The following RFX3 variants were observed in gnomAD, a reference collection of about 807,000 sequenced individuals.
RFX3 encodes regulatory factor X3, also known as transcription factor RFX3.
In RFX3, 14 loss-of-function variants were observed where a neutral mutation model predicts 98.6. The ratio of observed to expected loss-of-function variants is 0.14; its 90% CI spans 0.09 to 0.22. The LOEUF (loss-of-function observed/expected upper bound fraction) is 0.22, where lower values mean the gene tolerates loss of function less well. Ranked by LOEUF, RFX3 falls within the 10% of genes least tolerant of loss-of-function variation. RFX3 has a pLI of 1.00. For missense variants in RFX3, 639 were observed against 926.9 expected (o/e 0.69, Z 4.03); for synonymous variants, 383 against 328.4 (o/e 1.17, Z -1.80).
intron 1 of RFX3, among the ~76,000 whole-genome samples, chr9:3,467,364 G>A (rs1247377585): frequency 6.7e-6 from 1 of 149,494 alleles, no homozygotes; most frequent in Non-Finnish European, 1.5e-5. Context: ...CTATCACTGA[G>A]CCAAGGCTTT....
At chr9:3,396,364 A>G (rs1456826340) in intron 1 of RFX3, among the ~76,000 whole-genome samples, 1 of 152,202 alleles carries the variant, frequency 6.6e-6, no homozygotes, top group Non-Finnish European at 1.5e-5. Context: ...TACAAAGGAC[A>G]TTAACTCATC....
chr9:3,315,692 T>C (rs1411971187), intron 4 of RFX3, among the ~76,000 whole-genome samples: 1 of 152,080 alleles, frequency 6.6e-6, no homozygotes, highest in Non-Finnish European at 1.5e-5. Flanking sequence ...ATAAAGGGGA[T>C]ATCACCACCG....
At chr9:3,476,744 A>T (rs1025540653) in intron 1 of RFX3, among the ~76,000 whole-genome samples, 2 of 152,198 alleles carry the variant, frequency 1.3e-5, no homozygotes, top group Non-Finnish European at 2.9e-5. Flanking sequence ...AAATGTTACA[A>T]ACAAAAACGC....
intron 7 of RFX3, among the ~76,000 whole-genome samples, chr9:3,286,274 A>T (rs771712931): frequency 2.0e-5 from 3 of 151,854 alleles, no homozygotes; most frequent in Non-Finnish European, 4.4e-5. Flanking sequence ...GTAACAATTT[A>T]TTGCAACTCA....
At chr9:3,450,292 C>T (rs769464272) in intron 1 of RFX3, among the ~76,000 whole-genome samples, 4 of 152,024 alleles carry the variant, frequency 2.6e-5, no homozygotes, top group Non-Finnish European at 4.4e-5. Flanking sequence ...GTCAGAAAGA[C>T]GAGATATATA....
chr9:3,379,335 C>T (rs1221388827), intron 2 of RFX3, among the ~76,000 whole-genome samples: 1 of 152,026 alleles, frequency 6.6e-6, no homozygotes, highest in Non-Finnish European at 1.5e-5. Context: ...CTGACCTCCA[C>T]AAAATATTAT....
intron 1 of RFX3, among the ~76,000 whole-genome samples, chr9:3,428,369 T>C (rs1564088978): frequency 6.6e-6 from 1 of 152,214 alleles, no homozygotes; most frequent in Non-Finnish European, 1.5e-5. Context: ...CTCAGAACTT[T>C]AAGATCTTAT....
At chr9:3,263,337 TAATTAA>T (rs1437904927) in intron 12 of RFX3, among the ~76,000 whole-genome samples, 1 of 152,184 alleles carries the variant, frequency 6.6e-6, no homozygotes, top group African/African-American at 2.4e-5. Flanking sequence ...AGCGTAGCAT[TAATTAA>T]ACTAGTCTTG....
At chr9:3,312,653 A>T (rs927643501) in intron 4 of RFX3, among the ~76,000 whole-genome samples, 1 of 151,760 alleles carries the variant, frequency 6.6e-6, no homozygotes, top group Non-Finnish European at 1.5e-5. Flanking sequence ...TCCCATTGTG[A>T]GCAACGCAGA....
At chr9:3,268,902 A>G (rs1586813953) in intron 11 of RFX3, among the ~76,000 whole-genome samples, 1 of 152,104 alleles carries the variant, frequency 6.6e-6, no homozygotes, top group Non-Finnish European at 1.5e-5. Context: ...TTATCTCATG[A>G]GAAAAATTTT....
chr9:3,438,968 G>A (rs1845394152), intron 1 of RFX3, among the ~76,000 whole-genome samples: 1 of 151,886 alleles, frequency 6.6e-6, no homozygotes, highest in Non-Finnish European at 1.5e-5. Context: ...AGCTATAACA[G>A]TATGTTATCT....
At position 3,294,260 on chromosome 9, in the gene RFX3, G is replaced by C. The variant is rs181620121; in HGVS notation, c.550-1002C>G. Among the ~76,000 whole-genome samples, 15 of 152,174 alleles carry C rather than the reference G, an allele frequency of 9.9e-5. No individual in the cohort carries two copies. The East Asian group carries it at 2.7e-3, about 27-fold the overall frequency. On this transcript the variant is annotated intron_variant, in intron 5 of 16. Coordinates refer to ENST00000617270, the MANE Select transcript of RFX3 (RefSeq NM_001282116.2). ...CAATTCACATTTCCTGATTACTCCA[G>C]ACCAATGTTTCACAAAAGCAGTAAA...
intron 4 of RFX3, among the ~76,000 whole-genome samples, chr9:3,314,944 T>C (rs1830414896): frequency 6.6e-6 from 1 of 152,174 alleles, no homozygotes; most frequent in Non-Finnish European, 1.5e-5. Flanking sequence ...AGCACCCCAC[T>C]GTCAACATTA....
At chr9:3,422,877 G>C (rs933152662) in intron 1 of RFX3, among the ~76,000 whole-genome samples, 1 of 152,068 alleles carries the variant, frequency 6.6e-6, no homozygotes, top group African/African-American at 2.4e-5. Flanking sequence ...CAGTAGGATT[G>C]CCTATCTGGA....
At chr9:3,276,388 T>G (rs1034317865) in intron 8 of RFX3, among the ~76,000 whole-genome samples, 6 of 152,146 alleles carry the variant, frequency 3.9e-5, no homozygotes, top group African/African-American at 1.2e-4. Flanking sequence ...GACATTTTGG[T>G]GCCTGTCTTA....
At chr9:3,274,170 C>A (rs1027945284) in intron 9 of RFX3, among the ~76,000 whole-genome samples, 1 of 152,108 alleles carries the variant, frequency 6.6e-6, no homozygotes, top group Non-Finnish European at 1.5e-5. Context: ...AAGGAGAGAA[C>A]CTGCCCTTGG....
At chr9:3,278,593 C>T (rs1825534969) in intron 7 of RFX3, among the ~76,000 whole-genome samples, 1 of 151,760 alleles carries the variant, frequency 6.6e-6, no homozygotes, top group South Asian at 2.1e-4. Flanking sequence ...ACAGGACATA[C>T]TCAAAGATGC....
intron 1 of RFX3, among the ~76,000 whole-genome samples, chr9:3,409,988 G>A (rs1842314577): frequency 6.6e-6 from 1 of 152,104 alleles, no homozygotes; most frequent in South Asian, 2.1e-4. Flanking sequence ...GCACTCAGAG[G>A]TAGCAAGGCC....
chr9:3,255,039 T>G (rs2131078418), intron 14 of RFX3, among the ~76,000 whole-genome samples: 1 of 152,320 alleles, frequency 6.6e-6, no homozygotes. Context: ...AAAAACTGGT[T>G]GGCTTTCTTT....
Sources: allele counts gnomAD v4.1 joint callset (sites outside exome capture counted in the v4.1 genomes callset), GRCh38; gene constraint gnomAD v4.1.1; transcripts MANE v1.5; gene names NCBI Gene and HGNC (gene_info 2026-07-23, HGNC 2026-07-21).